Variants in MBD5 observed in about 807,000 individuals in gnomAD.
MBD5 encodes methyl-CpG-binding domain protein 5.
MBD5 carries 13 observed loss-of-function variants against 117.3 expected under a neutral mutation model. The ratio of observed to expected loss-of-function variants is 0.11; its 90% CI spans 0.07 to 0.18. The LOEUF is 0.18. Ranked by LOEUF, MBD5 falls within the 10% of genes least tolerant of loss-of-function variation. The pLI is 1.00. For synonymous variants in MBD5, 727 were observed against 766.4 expected, an observed-to-expected ratio of 0.95 and a Z score of 0.85; for missense variants, 1,879 against 2,093.8, an observed-to-expected ratio of 0.90 and a Z score of 2.00.
At chr2:148,229,709 C>T (rs891454919) in intron 2 of MBD5, among the ~76,000 whole-genome samples, 1 of 152,152 alleles carries the variant, frequency 6.6e-6, no homozygotes, top group African/African-American at 2.4e-5. Flanking sequence ...GCTGTATCTG[C>T]TTTAGGGGCA....
chr2:148,374,473 G>T (rs73965361), intron 4 of MBD5, among the ~76,000 whole-genome samples: 3,016 of 152,134 alleles, frequency 0.02, 82 homozygotes, highest in African/African-American at 0.066. Flanking sequence ...TCCAGTTGTT[G>T]TTTTTTATTA....
At chr2:148,147,295 T>C (rs1169318555) in intron 1 of MBD5, among the ~76,000 whole-genome samples, 1 of 151,914 alleles carries the variant, frequency 6.6e-6, no homozygotes, top group Non-Finnish European at 1.5e-5. Flanking sequence ...CAGGCTGGAG[T>C]GCAGTGGGAC....
chr2:148,380,785 G>A (rs558277876), intron 4 of MBD5, among the ~76,000 whole-genome samples: 3 of 152,262 alleles, frequency 2.0e-5, no homozygotes, highest in Admixed American at 6.5e-5. Flanking sequence ...CCAGAGGAAC[G>A]ATCAGGCGGC....
chr2:148,320,142 T>C (rs1008960276), intron 3 of MBD5, among the ~76,000 whole-genome samples: 4 of 152,174 alleles, frequency 2.6e-5, no homozygotes. Flanking sequence ...GGCATTCTAT[T>C]TGCTAGTTTT....
At chr2:148,377,702 C>A (rs912207558) in intron 4 of MBD5, among the ~76,000 whole-genome samples, 1 of 152,176 alleles carries the variant, frequency 6.6e-6, no homozygotes, top group Non-Finnish European at 1.5e-5. Context: ...GCTATGGAGG[C>A]CTTCAATAAT....
chr2:148,173,751 T>C (rs1698319329), intron 1 of MBD5, among the ~76,000 whole-genome samples: 1 of 152,128 alleles, frequency 6.6e-6, no homozygotes, highest in East Asian at 1.9e-4. Context: ...ACTACACAGG[T>C]TCACTGAAAA....
intron 1 of MBD5, among the ~76,000 whole-genome samples, chr2:148,110,686 GTGT>G (rs1304373385): frequency 6.6e-6 from 1 of 151,304 alleles, no homozygotes; most frequent in African/African-American, 2.4e-5. Flanking sequence ...TTTGTTTGTG[GTGT>G]TGTTGCTGCA....
chr2:148,416,264 A>G (rs1705414699), intron 4 of MBD5, among the ~76,000 whole-genome samples: 1 of 152,168 alleles, frequency 6.6e-6, no homozygotes, highest in Non-Finnish European at 1.5e-5. Context: ...GCATGCTGTA[A>G]CTTTAAGGGG....
chr2:148,145,037 G>A lies in MBD5; in HGVS notation c.-924-33663G>A, dbSNP rs374856403. ...GCATCGAATCTATAAATTACCTTGG[G>A]CAGTATGGCCATTTTCACAATATTT... On this transcript the variant is annotated intron_variant, in intron 1 of 13. Transcript: ENST00000642680. Among the ~76,000 whole-genome samples the A allele has an allele frequency of 1.1e-3, 166 of 152,300 alleles. 1 individual carries two copies. The highest frequency in any genetic ancestry group is 3.5e-3 in the South Asian group (17 of 4,820).
At chr2:148,065,382 G>C (rs1378113245) in intron 1 of MBD5, among the ~76,000 whole-genome samples, 2 of 152,148 alleles carry the variant, frequency 1.3e-5, no homozygotes, top group Non-Finnish European at 2.9e-5. Flanking sequence ...CAGTAGACCT[G>C]TGTGAACCAT....
intron 2 of MBD5, among the ~76,000 whole-genome samples, chr2:148,224,219 G>A (rs1177821792): frequency 1.3e-5 from 2 of 152,168 alleles, no homozygotes; most frequent in African/African-American, 4.8e-5. Flanking sequence ...TTCTGTAAAT[G>A]TCTATTAGGT....
chr2:148,155,735 T>C (rs543268429), intron 1 of MBD5, among the ~76,000 whole-genome samples: 15 of 152,340 alleles, frequency 9.8e-5, no homozygotes, highest in African/African-American at 3.6e-4. Context: ...ATTGTGGATA[T>C]AATGGTTATT....
At chr2:148,056,634 A>G (rs1220451140) in intron 1 of MBD5, among the ~76,000 whole-genome samples, 1 of 152,096 alleles carries the variant, frequency 6.6e-6, no homozygotes, top group African/African-American at 2.4e-5. Flanking sequence ...ATTTAACCAA[A>G]ACAGACTTTG....
At chr2:148,168,048 A>T (rs1439395918) in intron 1 of MBD5, among the ~76,000 whole-genome samples, 1 of 152,160 alleles carries the variant, frequency 6.6e-6, no homozygotes, top group Non-Finnish European at 1.5e-5. Flanking sequence ...CTGAATCCGA[A>T]AGGGGGCAGT....
Position 148,469,152 on chromosome 2 carries a change from G to A in MBD5, c.1209G>A (p.Leu403=). Residue 403 remains leucine (L), a synonymous_variant, in exon 8 of 14, where the codon TTG becomes TTA. Coordinates refer to ENST00000642680, the MANE Select transcript of MBD5 (RefSeq NM_001378120.1). ...GCATGCCTCCTGCTGTTGTTCCTTT[G>A]CCAAGTAATCTCCCATTGCCAACTG... is the stretch of plus-strand genomic sequence containing the variant. ...NVSMPPAVVP[L]PSNLPLPTVK... 6.2e-7 allele frequency: 1 copy of A among 1,613,920 alleles called. No individual in the cohort carries two copies. The highest frequency in any genetic ancestry group is 1.7e-4 in the Middle Eastern group (1 of 6,060).
In MBD5 at chr2:148,489,723, G is replaced by C; in HGVS notation, c.4091G>C (p.Gly1364Ala). 2 of 1,614,172 alleles carry C rather than the reference G, an allele frequency of 1.2e-6. No homozygotes were observed. Among genetic ancestry groups the C allele is most frequent in the Non-Finnish European group, 1.7e-6 (2 of 1,180,042 alleles). The change falls in exon 11 of 14, where the codon GGT (glycine) becomes GCT (alanine). Residue 1364 changes from glycine to alanine, a missense_variant. Gly to Ala is a moderately conservative substitution (Grantham distance 60, BLOSUM62 0). Transcript: ENST00000642680. Reference sequence around the variant, plus strand: ...ATGAGTGCCTTCACTGCCTCAATTGGTGACCCATTAAATCTCTCCAGTGCT... The same window carrying C: ...ATGAGTGCCTTCACTGCCTCAATTGCTGACCCATTAAATCTCTCCAGTGCT... ...SAMSAFTASI[G>A]DPLNLSSAVS...
At chr2:148,376,299 A>C (rs1703985104) in intron 4 of MBD5, among the ~76,000 whole-genome samples, 1 of 136,438 alleles carries the variant, frequency 7.3e-6, no homozygotes, top group Non-Finnish European at 1.5e-5. Context: ...ACGGAGTCTC[A>C]CTCTGTCGCC....
chr2:148,296,255 G>A (rs965553719), intron 3 of MBD5: 2 of 186,098 alleles, frequency 1.1e-5, no homozygotes, highest in Non-Finnish European at 2.4e-5. Context: ...TAGAATATCA[G>A]CAATTGTATT....
chr2:148,143,184 C>T lies in MBD5; in HGVS notation c.-924-35516C>T, dbSNP rs772834866. Among the ~76,000 whole-genome samples, 10 of 152,172 alleles carry T rather than the reference C, an allele frequency of 6.6e-5. 1 individual carries two copies. In the South Asian group the frequency reaches 8.3e-4, roughly 13 times the overall value. On this transcript the variant is annotated intron_variant, in intron 1 of 13. Transcript: ENST00000642680. ...TCTTGGAAAGTGCAACTTTAAACAA[C>T]GTACAGCAGGTCCTCAAATAATATC...
Sources: gnomAD v4.1 joint callset for allele counts (sites outside exome capture counted in the v4.1 genomes callset) on GRCh38, gnomAD v4.1.1 for gene constraint, MANE v1.5 for transcripts, NCBI Gene and HGNC (gene_info 2026-07-23, HGNC 2026-07-21) for gene names.